JAZF1: variants seen among roughly 807,000 people sequenced by gnomAD.
The protein encoded by JAZF1 is JAZF zinc finger 1.
In JAZF1, 8 loss-of-function variants were observed where a neutral mutation model predicts 26.4. The observed-to-expected ratio is 0.30, with a 90% CI of 0.18 to 0.55. The LOEUF is 0.55. Among genes scored for constraint, JAZF1 ranks in the 20% least tolerant of loss-of-function variants. The pLI is 0.94. For missense variants in JAZF1, 199 were observed against 322.0 expected (o/e 0.62, Z 2.92); for synonymous variants, 126 against 122.3 (o/e 1.03, Z -0.20).
At chr7:27,938,978 T>TAAAGAGC (rs1784801992) in intron 2 of JAZF1, among the ~76,000 whole-genome samples, 1 of 152,162 alleles carries the variant, frequency 6.6e-6, no homozygotes, top group Non-Finnish European at 1.5e-5. Flanking sequence ...AATACTGATT[T>TAAAGAGC]CTGCCCCCTT....
intron 3 of JAZF1, among the ~76,000 whole-genome samples, chr7:27,852,146 C>CT (rs1427310468): frequency 1.4e-4 from 13 of 90,436 alleles, no homozygotes; most frequent in South Asian, 3.6e-4. Flanking sequence ...TTTTTTTTTT[C>CT]TTTGAGATGG....
At chr7:27,966,591 G>C (rs913116266) in intron 2 of JAZF1, among the ~76,000 whole-genome samples, 2 of 152,190 alleles carry the variant, frequency 1.3e-5, no homozygotes, top group African/African-American at 4.8e-5. Context: ...TCCATAAACT[G>C]CAGTTCCCCT....
intron 2 of JAZF1, among the ~76,000 whole-genome samples, chr7:27,959,700 G>C (rs888754618): frequency 6.6e-6 from 1 of 152,088 alleles, no homozygotes; most frequent in Non-Finnish European, 1.5e-5. Context: ...AGGAGTTCGA[G>C]ACCAGCCTGA....
At chr7:27,872,789 C>T (rs1783606446) in intron 3 of JAZF1, among the ~76,000 whole-genome samples, 1 of 151,934 alleles carries the variant, frequency 6.6e-6, no homozygotes, top group Admixed American at 6.6e-5. Flanking sequence ...CTTCAGGCTG[C>T]TTGTAAAAAA....
chr7:27,839,898 G>A (rs186560346), intron 4 of JAZF1, among the ~76,000 whole-genome samples: 15 of 152,204 alleles, frequency 9.9e-5, no homozygotes, highest in Admixed American at 9.8e-4. Flanking sequence ...AAGCATACCA[G>A]GTATGTTTCT....
At chr7:27,855,444 G>T (rs1783230338) in intron 3 of JAZF1, among the ~76,000 whole-genome samples, 1 of 151,706 alleles carries the variant, frequency 6.6e-6, no homozygotes, top group African/African-American at 2.4e-5. Flanking sequence ...CTGGTTTTTT[G>T]AAAAAATTAA....
intron 3 of JAZF1, among the ~76,000 whole-genome samples, chr7:27,881,776 T>C (rs1036959180): frequency 6.6e-6 from 1 of 152,128 alleles, no homozygotes; most frequent in Non-Finnish European, 1.5e-5. Flanking sequence ...GAAATGCATA[T>C]CGAGGGCCTT....
intron 2 of JAZF1, among the ~76,000 whole-genome samples, chr7:27,936,115 A>G (rs958289117): frequency 2.6e-5 from 4 of 152,210 alleles, no homozygotes; most frequent in African/African-American, 4.8e-5. Context: ...ATCATTCTTC[A>G]TTTCTTTTTC....
At chr7:28,142,798 CCAG>C (rs888788503) in intron 1 of JAZF1, among the ~76,000 whole-genome samples, 37 of 152,280 alleles carry the variant, frequency 2.4e-4, no homozygotes, top group Non-Finnish European at 4.6e-4. Context: ...CAGGGTATGG[CCAG>C]CAGAGAGCAG....
At chr7:27,903,961 T>C (rs957539250) in intron 2 of JAZF1, among the ~76,000 whole-genome samples, 11 of 152,084 alleles carry the variant, frequency 7.2e-5, no homozygotes, top group African/African-American at 2.4e-4. Context: ...CTGTGGGGAG[T>C]TGGCAGATGG....
At chr7:27,925,152 G>A (rs994917107) in intron 2 of JAZF1, among the ~76,000 whole-genome samples, 4 of 152,190 alleles carry the variant, frequency 2.6e-5, no homozygotes, top group African/African-American at 9.7e-5. Flanking sequence ...AACTATCACT[G>A]AGGAGCCAAA....
chr7:28,125,630 C>A (rs1237609525), intron 1 of JAZF1, among the ~76,000 whole-genome samples: 1 of 151,912 alleles, frequency 6.6e-6, no homozygotes, highest in Non-Finnish European at 1.5e-5. Context: ...ACAAAAAATC[C>A]CCTGATTAAC....
At chr7:27,845,177 T>C (rs966576486) in intron 3 of JAZF1, among the ~76,000 whole-genome samples, 1 of 152,384 alleles carries the variant, frequency 6.6e-6, no homozygotes, top group Non-Finnish European at 1.5e-5. Flanking sequence ...TATATAGTTA[T>C]AAGCAGTTGG....
intron 3 of JAZF1, among the ~76,000 whole-genome samples, chr7:27,890,786 T>TC (rs1043725724): frequency 3.2e-5 from 1 of 30,876 alleles, no homozygotes; most frequent in African/African-American, 1.5e-4. Flanking sequence ...TGTTACTACT[T>TC]TTTTTTTTTT....
chr7:27,833,575 C>T (rs939005238), intron 4 of JAZF1, among the ~76,000 whole-genome samples: 22 of 152,132 alleles, frequency 1.4e-4, no homozygotes, highest in Non-Finnish European at 2.1e-4. Context: ...ATCTTGTCCC[C>T]GCCGTACAGT....
intron 2 of JAZF1, among the ~76,000 whole-genome samples, chr7:27,974,483 A>G (rs1257584161): frequency 6.6e-6 from 1 of 152,162 alleles, no homozygotes. Context: ...CTTCAAACTG[A>G]ACTGCAGTAA....
At chr7:28,062,029 A>G (rs1012881342) in intron 1 of JAZF1, among the ~76,000 whole-genome samples, 6 of 152,242 alleles carry the variant, frequency 3.9e-5, no homozygotes, top group African/African-American at 1.2e-4. Flanking sequence ...TTTTTTACTG[A>G]GTACTTCAGT....
intron 1 of JAZF1, among the ~76,000 whole-genome samples, chr7:28,154,696 T>G (rs962499264): frequency 1.3e-5 from 2 of 149,344 alleles, no homozygotes; most frequent in Non-Finnish European, 2.9e-5. Flanking sequence ...CAATTAATAC[T>G]AAATAATTAT....
At chr7:28,081,265 T>C (rs997703397) in intron 1 of JAZF1, among the ~76,000 whole-genome samples, 2 of 151,960 alleles carry the variant, frequency 1.3e-5, no homozygotes, top group Non-Finnish European at 2.9e-5. Context: ...GGAAATCACA[T>C]AACGATGAGG....
Sources: allele counts gnomAD v4.1 joint callset (sites outside exome capture counted in the v4.1 genomes callset), GRCh38; gene constraint gnomAD v4.1.1; transcripts MANE v1.5; gene names NCBI Gene and HGNC (gene_info 2026-07-23, HGNC 2026-07-21).